The following MCUB variants were observed in gnomAD, a reference collection of about 807,000 sequenced individuals.
MCUB encodes the protein mitochondrial calcium uniporter dominant negative subunit beta, also known as calcium uniporter regulatory subunit MCUb, mitochondrial.
A neutral mutation model predicts 41.4 loss-of-function variants in MCUB; 46 were observed. The observed-to-expected ratio is 1.11, with a 90% confidence interval of 0.88 to 1.42. The LOEUF (loss-of-function observed/expected upper bound fraction) is 1.42. Among genes scored for constraint, MCUB ranks in the 40% most tolerant of loss-of-function variants. The pLI is 0.00. For synonymous variants in MCUB, 148 were observed against 148.2 expected (o/e 1.00, Z 0.01); for missense variants, 403 against 404.9 (o/e 1.00, Z 0.04).
intron 1 of MCUB, among the ~76,000 whole-genome samples, chr4:109,561,410 T>C (rs1048584864): frequency 6.6e-6 from 1 of 152,148 alleles, no homozygotes; most frequent in Non-Finnish European, 1.5e-5. Flanking sequence ...GTCTGAGGGC[T>C]TCAGTTTCAA....
intron 4 of MCUB, among the ~76,000 whole-genome samples, chr4:109,675,095 A>G (rs1211496992): frequency 2.6e-5 from 4 of 152,176 alleles, no homozygotes; most frequent in African/African-American, 9.6e-5. Context: ...CATGTCAAAA[A>G]GAAAAAAAAG....
chr4:109,627,823 GA>G (rs1728393720), intron 1 of MCUB, among the ~76,000 whole-genome samples: 1 of 151,742 alleles, frequency 6.6e-6, no homozygotes, highest in Non-Finnish European at 1.5e-5. Flanking sequence ...TGAGTCAGGA[GA>G]ATCAATTGAA....
chr4:109,675,085 C>T (rs1729542838), intron 4 of MCUB, among the ~76,000 whole-genome samples: 1 of 152,048 alleles, frequency 6.6e-6, no homozygotes, highest in African/African-American at 2.4e-5. Flanking sequence ...GTAAGTGACC[C>T]ATGTCAAAAA....
intron 1 of MCUB, among the ~76,000 whole-genome samples, chr4:109,603,349 G>A (rs1285865887): frequency 1.3e-5 from 2 of 152,180 alleles, no homozygotes; most frequent in Non-Finnish European, 1.5e-5. Context: ...TGCCTGCCTC[G>A]GCCTCCCGAG....
intron 1 of MCUB, among the ~76,000 whole-genome samples, chr4:109,562,113 G>T (rs1337684682): frequency 2.0e-5 from 3 of 152,038 alleles, no homozygotes; most frequent in Non-Finnish European, 2.9e-5. Context: ...TCCCGGGACT[G>T]GCTGCCCTTT....
At chr4:109,624,071 T>G (rs1451710931) in intron 1 of MCUB, among the ~76,000 whole-genome samples, 1 of 152,130 alleles carries the variant, frequency 6.6e-6, no homozygotes, top group Non-Finnish European at 1.5e-5. Flanking sequence ...CAGGCTGGTC[T>G]TAAACTCCTG....
At chr4:109,685,050 T>C in intron 6 of MCUB, 1 of 421,012 alleles carries the variant, frequency 2.4e-6, no homozygotes, top group African/African-American at 2.0e-5. Flanking sequence ...CCAGCTTGCC[T>C]GTTTTTGAAA....
chr4:109,595,401 G>A (rs544915341), intron 1 of MCUB, among the ~76,000 whole-genome samples: 31 of 152,192 alleles, frequency 2.0e-4, no homozygotes, highest in Non-Finnish European at 3.4e-4. Flanking sequence ...TAAACTGGAA[G>A]ACCTTATCAT....
At chr4:109,612,962 T>C (rs542419114) in intron 1 of MCUB, among the ~76,000 whole-genome samples, 92 of 151,886 alleles carry the variant, frequency 6.1e-4, no homozygotes, top group Non-Finnish European at 1.1e-3. Flanking sequence ...AAAAATTAGC[T>C]GGGTGTGGTG....
At chr4:109,611,869 A>C (rs1402831926) in intron 1 of MCUB, among the ~76,000 whole-genome samples, 1 of 152,264 alleles carries the variant, frequency 6.6e-6, no homozygotes, top group Non-Finnish European at 1.5e-5. Flanking sequence ...AAGAAAATAA[A>C]GCCCTATGAT....
chr4:109,599,351 T>TCTTA, intron 1 of MCUB, among the ~76,000 whole-genome samples: 1 of 151,984 alleles, frequency 6.6e-6, no homozygotes, highest in African/African-American at 2.4e-5. Flanking sequence ...TGAAAACATC[T>TCTTA]TGGGAGTTAT....
At chr4:109,623,730 T>A (rs563649706) in intron 1 of MCUB, among the ~76,000 whole-genome samples, 1 of 152,192 alleles carries the variant, frequency 6.6e-6, no homozygotes, top group African/African-American at 2.4e-5. Context: ...CGCTTCTTAT[T>A]TATTATCACC....
rs575665375 is a variant in MCUB at position 109,579,487 on chromosome 4, A to T, written c.99+19051A>T. Among the ~76,000 whole-genome samples the T allele has an allele frequency of 3.3e-5, 5 of 152,106 alleles. No individual in the cohort carries two copies. In the South Asian group the frequency reaches 1.0e-3, roughly 32 times the overall value. On this transcript the variant is annotated intron_variant, in intron 1 of 7. Coordinates refer to ENST00000394650, the MANE Select transcript of MCUB (RefSeq NM_017918.5). Reference sequence around the variant, plus strand: ...ATGGTCTCAATCTCTTGACCTTGTGATCCACGCGCCTCGGCCTCCCAAAGT... The same window carrying T: ...ATGGTCTCAATCTCTTGACCTTGTGTTCCACGCGCCTCGGCCTCCCAAAGT...
chr4:109,656,191 CAT>C (rs1249371970), intron 1 of MCUB, among the ~76,000 whole-genome samples: 1 of 151,898 alleles, frequency 6.6e-6, no homozygotes, highest in Non-Finnish European at 1.5e-5. Context: ...GAACCTGACT[CAT>C]ATGTCTTTAG....
chr4:109,571,757 A>G (rs1726922102), intron 1 of MCUB, among the ~76,000 whole-genome samples: 1 of 152,260 alleles, frequency 6.6e-6, no homozygotes, highest in South Asian at 2.1e-4. Context: ...TCCAAAGTCA[A>G]AAGTGCACAG....
chr4:109,668,031 T>C (rs1230412905), intron 4 of MCUB, among the ~76,000 whole-genome samples: 1 of 152,078 alleles, frequency 6.6e-6, no homozygotes, highest in Admixed American at 6.5e-5. Flanking sequence ...TTTTTTACAT[T>C]TACTCATGTG....
At chr4:109,662,188 G>A (rs1189866524) in intron 3 of MCUB, among the ~76,000 whole-genome samples, 1 of 152,196 alleles carries the variant, frequency 6.6e-6, no homozygotes, top group Non-Finnish European at 1.5e-5. Flanking sequence ...GCTAAAACCT[G>A]GATCAGAGAA....
At chr4:109,640,795 G>A (rs753349036) in intron 1 of MCUB, among the ~76,000 whole-genome samples, 2 of 152,140 alleles carry the variant, frequency 1.3e-5, no homozygotes, top group African/African-American at 2.4e-5. Context: ...CTAATCATTC[G>A]TGTGTTCACT....
chr4:109,622,115 C>T (rs529878089), intron 1 of MCUB, among the ~76,000 whole-genome samples: 2 of 152,284 alleles, frequency 1.3e-5, no homozygotes, highest in East Asian at 3.9e-4. Context: ...CTCCTGACCT[C>T]AAGTGATCTG....
Sources: allele counts gnomAD v4.1 joint callset (sites outside exome capture counted in the v4.1 genomes callset), GRCh38; gene constraint gnomAD v4.1.1; transcripts MANE v1.5; gene names NCBI Gene and HGNC (gene_info 2026-07-23, HGNC 2026-07-21).